The following FXYD3 variants were observed in gnomAD, a reference collection of about 807,000 sequenced individuals.
FXYD3 encodes FXYD domain containing ion transport regulator 3.
A neutral mutation model predicts 19.2 loss-of-function variants in FXYD3; 13 were observed. The observed-to-expected ratio is 0.68, with a 90% CI of 0.44 to 1.08. The LOEUF (loss-of-function observed/expected upper bound fraction) is 1.08, where lower values mean the gene tolerates loss of function less well. Ranked by LOEUF, FXYD3 falls within the 50% of genes least tolerant of loss-of-function variation. The probability of loss-of-function intolerance (pLI) is 0.00; values close to 1 mark genes in which losing one functional copy is unlikely to be tolerated. For synonymous variants in FXYD3, 48 were observed against 38.9 expected, an observed-to-expected ratio of 1.23 and a Z score of -0.87; for missense variants, 101 against 109.4, an observed-to-expected ratio of 0.92 and a Z score of 0.34.
chr19:35,121,610 C>T, intron 5 of FXYD3: 1 of 1,192,096 alleles, frequency 8.4e-7, no homozygotes, highest in African/African-American at 1.5e-5. Flanking sequence ...CTGCTCCCTA[C>T]TCCCCGCTCT....
intron 2 of FXYD3, among the ~76,000 whole-genome samples, chr19:35,118,847 G>A (rs2064964737): frequency 6.6e-6 from 1 of 152,176 alleles, no homozygotes; most frequent in Admixed American, 6.5e-5. Context: ...CAATGTCCTG[G>A]CAGGGCCGGG....
At chr19:35,121,404 A>C in intron 5 of FXYD3, 159 bp downstream of exon 5, 1 of 1,565,570 alleles carries the variant, frequency 6.4e-7, no homozygotes. Context: ...GGATTAAAGG[A>C]ACTAGAGGCA....
At chr19:35,117,175 C>A (rs2064909609) in intron 2 of FXYD3, 1 of 1,385,878 alleles carries the variant, frequency 7.2e-7, no homozygotes, top group South Asian at 1.8e-5. Context: ...CAGACAACAG[C>A]CTGAATGGGG....
At chr19:35,119,508 C>A in intron 3 of FXYD3, 92 bp downstream of exon 3, 1 of 1,186,328 alleles carries the variant, frequency 8.4e-7, no homozygotes, top group Non-Finnish European at 1.3e-6. Flanking sequence ...TCTACCTCCC[C>A]GGGAAGGTGG....
chr19:35,122,971 G>A lies in FXYD3; in HGVS notation c.209+17G>A, dbSNP rs769438488. The A allele has an allele frequency of 3.2e-6, 5 of 1,567,928 alleles. No homozygotes were observed. The East Asian group carries it at 1.1e-4, about 35-fold the overall frequency. On this transcript the variant is annotated intron_variant, in intron 7 of 8. Transcript: ENST00000604404. ...GAAGTCCGGGTAAGATACTGTTCCG[G>A]CATGCCCGCCTCAGGCTGACTGGAC...
At chr19:35,117,630 G>A (rs1330296393) in intron 2 of FXYD3, among the ~76,000 whole-genome samples, 1 of 151,626 alleles carries the variant, frequency 6.6e-6, no homozygotes. Context: ...TACAACCTGT[G>A]CCCCTATCCA....
At position 35,122,410 on chromosome 19, in the gene FXYD3, C is replaced by T. The variant is rs1568387680; in HGVS notation, c.98-355C>T. Among the ~76,000 whole-genome samples the T allele has an allele frequency of 2.0e-5, 3 of 152,208 alleles. No individual in the cohort carries two copies. In the South Asian group the frequency reaches 6.2e-4, roughly 31 times the overall value. ...CCTCAGGTGATCCGCCCACCTTGGC[C>T]TCCCAAAGTGCTGGGATATCAGGCG... On this transcript the variant is annotated intron_variant, in intron 5 of 8. Transcript: ENST00000604404.
At chr19:35,117,313 G>A in intron 2 of FXYD3, 2 of 1,510,644 alleles carry the variant, frequency 1.3e-6, no homozygotes, top group Non-Finnish European at 1.8e-6. Flanking sequence ...ATCATGGGAA[G>A]GGGGTATAGT....
chr19:35,122,992 T>C, intron 7 of FXYD3, 38 bp downstream of exon 7: 1 of 1,544,146 alleles, frequency 6.5e-7, no homozygotes, highest in Middle Eastern at 1.7e-4. Flanking sequence ...TCAGGCTGAC[T>C]GGACGCTTTT....
Position 35,123,631 on chromosome 19 carries a change from A to G in FXYD3, c.*174A>G. The G allele has an allele frequency of 7.6e-6, 5 of 657,150 alleles. No homozygotes were observed. Among genetic ancestry groups the G allele is most frequent in the South Asian group, 1.9e-5 (1 of 52,478 alleles). The allele number at this position is 657,150 out of a possible 1,614,324, so 40.7% of individuals were successfully genotyped here. On this transcript the variant is annotated 3_prime_UTR_variant, in exon 9 of 9. Coordinates refer to ENST00000604404, the MANE Select transcript of FXYD3 (RefSeq NM_005971.4). The stretch of plus-strand genomic sequence containing the variant: ...GGGTCTCTTTGTTCAATTTTTTTTA[A>G]TCTAAAATGATTGTGCCTCTGCCCA...
rs768737517 is a variant in FXYD3, at chr19:35,119,368, C to T, written c.-9C>T. On this transcript the variant is annotated 5_prime_UTR_variant, in exon 3 of 9. Coordinates refer to ENST00000604404, the MANE Select transcript of FXYD3 (RefSeq NM_005971.4). ...ACCTCCCGCCACCCCTCTAGGCCAGCGCTCTGACATGCAGAAGGTGACCCT... is the reference window on the plus strand; with the variant it reads ...ACCTCCCGCCACCCCTCTAGGCCAGTGCTCTGACATGCAGAAGGTGACCCT... 2.2e-5 allele frequency: 36 copies of T among 1,613,998 alleles called. No homozygotes were observed. Among genetic ancestry groups the T allele is most frequent in the East Asian group, 2.0e-4 (9 of 44,888 alleles).
rs1342817851 is a variant in FXYD3 at position 35,122,950 on chromosome 19, T to C, written c.205T>C (p.Ser69Pro). The change falls in exon 7 of 9, where the codon TCC (serine) becomes CCC (proline). Residue 69 changes from serine (S) to proline (P), a missense_variant. Coordinates refer to ENST00000604404, the MANE Select transcript of FXYD3 (RefSeq NM_005971.4). ...ATGCAAATGCAAGTTTGGCCAGAAG[T>C]CCGGGTAAGATACTGTTCCGGCATG... ...AKCKCKFGQK[S>P]GHHPGETPPL... The C allele has an allele frequency of 6.3e-7, 1 of 1,596,872 alleles. No individual in the cohort carries two copies. The highest frequency in any genetic ancestry group is 8.5e-7 in the Non-Finnish European group (1 of 1,170,528).
In FXYD3 at chr19:35,119,130, C is replaced by G. The variant is rs1458831700; in HGVS notation, c.-14-233C>G. The G allele has an allele frequency of 8.3e-6, 12 of 1,446,856 alleles. 2 individuals are homozygous for G. The South Asian group carries it at 1.5e-4, about 18-fold the overall frequency. The allele number at this position is 1,446,856 out of a possible 1,614,324, so 89.6% of individuals were successfully genotyped here. On this transcript the variant is annotated intron_variant, in intron 2 of 8. Transcript: ENST00000604404. Reference sequence around the variant, plus strand: ...GGGCGATTCCCAGAAAGCCTGAAGTCCATGTCCAGTGAGTTATTATGGCTC... The same window carrying G: ...GGGCGATTCCCAGAAAGCCTGAAGTGCATGTCCAGTGAGTTATTATGGCTC...
At chr19:35,121,673 A>G (rs550534132) in intron 5 of FXYD3, 168 of 452,944 alleles carry the variant, frequency 3.7e-4, no homozygotes, top group Non-Finnish European at 5.2e-4. Flanking sequence ...TCTCAGACAC[A>G]GCAGACATAC....
chr19:35,122,658 C>T (rs767482401), intron 5 of FXYD3, 107 bp from the exon 6 acceptor site: 3 of 897,220 alleles, frequency 3.3e-6, no homozygotes, highest in African/African-American at 1.6e-5. Context: ...GCGGTGTCCC[C>T]AGCACCCTGT....
In FXYD3 at chr19:35,120,994, C is replaced by T. The variant is rs1215860750; in HGVS notation, c.41-84C>T. On this transcript the variant is annotated intron_variant, in intron 3 of 8. Coordinates refer to ENST00000604404, the MANE Select transcript of FXYD3 (RefSeq NM_005971.4). ...TCCCGCAGGAGACCCTTTCCCAAGG[C>T]CCCTGAAACTCCCCAGGCCCTGCCC... 5 of 1,465,210 alleles carry T rather than the reference C, an allele frequency of 3.4e-6. No homozygotes were observed. The Admixed American group carries it at 5.4e-5, about 16-fold the overall frequency. 90.8% of individuals were successfully genotyped at this position (1,465,210 alleles called of 1,614,324 possible).
intron 2 of FXYD3, chr19:35,119,137 CAGTG>C (rs748156651): frequency 2.8e-5 from 42 of 1,488,038 alleles, no homozygotes; most frequent in Non-Finnish European, 3.8e-5. Context: ...AGTCCATGTC[CAGTG>C]AGTTATTATG....
At chr19:35,119,658 T>TG (rs748043729) in intron 3 of FXYD3, 150,373 of 510,146 alleles carry the variant, frequency 0.29, 23,007 homozygotes, top group East Asian at 0.49. Context: ...TTTTTGGCTT[T>TG]TTTTGTTTTT....
intron 2 of FXYD3, chr19:35,118,390 A>C: frequency 1.6e-6 from 1 of 616,444 alleles, no homozygotes; most frequent in Non-Finnish European, 2.0e-6. Flanking sequence ...TATGATAACT[A>C]TGCACTCAGC....
Sources: gnomAD v4.1 joint callset for allele counts (sites outside exome capture counted in the v4.1 genomes callset) on GRCh38, gnomAD v4.1.1 for gene constraint, MANE v1.5 for transcripts, NCBI Gene and HGNC (gene_info 2026-07-23, HGNC 2026-07-21) for gene names.